PCDHGA6: variants seen among roughly 807,000 people sequenced by gnomAD.
The protein encoded by PCDHGA6 is protocadherin gamma-A6.
In PCDHGA6, 41 loss-of-function variants were observed where a neutral mutation model predicts 60.6. The ratio of observed to expected loss-of-function variants is 0.68; its 90% CI spans 0.53 to 0.88. The LOEUF is 0.88. Ranked by LOEUF, PCDHGA6 falls within the 40% of genes least tolerant of loss-of-function variation. The probability of loss-of-function intolerance (pLI) is 0.00; values close to 1 mark genes in which losing one functional copy is unlikely to be tolerated. For missense variants in PCDHGA6, 1,312 were observed against 1,203.0 expected, an observed-to-expected ratio of 1.09 and a Z score of -1.34; for synonymous variants, 594 against 524.4, an observed-to-expected ratio of 1.13 and a Z score of -1.81.
At chr5:141,471,743 C>T (rs769600930) in intron 1 of PCDHGA6, among the ~76,000 whole-genome samples, 2 of 152,142 alleles carry the variant, frequency 1.3e-5, no homozygotes, top group Non-Finnish European at 2.9e-5. Flanking sequence ...GGAGACATAA[C>T]ATATTTGAGG....
At chr5:141,405,031 C>T (rs760020802) in intron 1 of PCDHGA6, 4 of 1,613,968 alleles carry the variant, frequency 2.5e-6, no homozygotes, top group South Asian at 2.2e-5. Context: ...CCCTCTACCT[C>T]GTTGTGGCTG....
intron 1 of PCDHGA6, among the ~76,000 whole-genome samples, chr5:141,437,829 C>T (rs2097913718): frequency 6.6e-6 from 1 of 151,986 alleles, no homozygotes; most frequent in Admixed American, 6.6e-5. Flanking sequence ...CCTCTGCCTC[C>T]TGGGTTCATG....
At chr5:141,463,526 A>G (rs989086820) in intron 1 of PCDHGA6, among the ~76,000 whole-genome samples, 1 of 131,914 alleles carries the variant, frequency 7.6e-6, no homozygotes, top group Non-Finnish European at 1.5e-5. Flanking sequence ...TCGGCTTACT[A>G]GAAACTCCGG....
chr5:141,491,747 G>C lies in PCDHGA6; in HGVS notation c.2425-3060G>C. 6.3e-7 allele frequency: 1 copy of C among 1,591,872 alleles called. No homozygotes were observed. The highest frequency in any genetic ancestry group is 8.5e-7 in the Non-Finnish European group (1 of 1,170,328). ...CGGGCGACCCCTGGGGGCGGCACTG[G>C]AGAAGCCGCCCGTCCTCATAAGGGA... On this transcript the variant is annotated intron_variant, in intron 1 of 3. Transcript: ENST00000517434. This position sits in a 1 kb window ranked among gnomAD's most constrained non-coding sequence, Gnocchi z 6.9.
chr5:141,431,876 GA>G lies in PCDHGA6; in HGVS notation c.2424+55370del. 6.2e-7 allele frequency: 1 copy of G among 1,614,188 alleles called. No individual in the cohort carries two copies. Among genetic ancestry groups the G allele is most frequent in the Non-Finnish European group, 8.5e-7 (1 of 1,180,008 alleles). On this transcript the variant is annotated intron_variant, in intron 1 of 3. Transcript: ENST00000517434. The surrounding 1 kb of genome is among the most constrained non-coding windows in gnomAD (Gnocchi z 4.8). ...ATTAATTGCCCTTTTAAATGTAAATGACCAAGATTCTGAGGAAAACGGACAG... is the reference window on the plus strand; with the variant it reads ...ATTAATTGCCCTTTTAAATGTAAATGCCAAGATTCTGAGGAAAACGGACAG...
chr5:141,497,197 A>G (rs1243476120), intron 2 of PCDHGA6, among the ~76,000 whole-genome samples: 2 of 106,804 alleles, frequency 1.9e-5, no homozygotes, highest in African/African-American at 5.7e-5. Flanking sequence ...GCAGAGAACA[A>G]TGTGAGTGTA....
intron 1 of PCDHGA6, among the ~76,000 whole-genome samples, chr5:141,459,348 C>G (rs1015330513): frequency 2.6e-5 from 4 of 152,194 alleles, no homozygotes; most frequent in Admixed American, 2.0e-4. Context: ...TCTTGAAATT[C>G]ATTCATGTTC....
At chr5:141,403,672 G>A in intron 1 of PCDHGA6, 1 of 1,613,846 alleles carries the variant, frequency 6.2e-7, no homozygotes, top group Non-Finnish European at 8.5e-7. Context: ...ATAATGCCCC[G>A]GTTTTTGCTC....
intron 1 of PCDHGA6, chr5:141,384,779 G>A (rs1252058358): frequency 6.2e-6 from 10 of 1,613,592 alleles, no homozygotes; most frequent in East Asian, 2.2e-5. Context: ...GGCGAGGTGC[G>A]CACGGCTCGG....
At chr5:141,393,124 T>C in intron 1 of PCDHGA6, 2 of 1,613,430 alleles carry the variant, frequency 1.2e-6, no homozygotes. Flanking sequence ...CGGTGTCTGA[T>C]AAATATTAAC....
intron 1 of PCDHGA6, chr5:141,398,587 C>A (rs2093675414): frequency 6.2e-7 from 1 of 1,613,860 alleles, no homozygotes. Flanking sequence ...AAGATTTATA[C>A]TAGAAGTAGC....
chr5:141,423,456 C>T, intron 1 of PCDHGA6: 1 of 1,613,924 alleles, frequency 6.2e-7, no homozygotes, highest in Non-Finnish European at 8.5e-7. Context: ...ATTTTGTAGG[C>T]GTGGACGGGG....
intron 1 of PCDHGA6, among the ~76,000 whole-genome samples, chr5:141,405,996 G>A (rs2094743914): frequency 6.6e-6 from 1 of 151,746 alleles, no homozygotes; most frequent in Non-Finnish European, 1.5e-5. Flanking sequence ...GTAGCTCTCA[G>A]CCTGCATTGA....
In PCDHGA6 at chr5:141,453,101, TTTTTG is replaced by T. The variant is rs879618609; in HGVS notation, c.2425-41681_2425-41677del. ...GTTGATTAGTATATTTTCTGTTGCT[TTTTTG>T]TTTTGTTTTGTTTTGTTTTGTTTTT... On this transcript the variant is annotated intron_variant, in intron 1 of 3. Transcript: ENST00000517434. 4.4e-4 allele frequency among the ~76,000 whole-genome samples: 67 copies of T among 152,130 alleles called. 1 individual carries two copies. Among genetic ancestry groups the T allele is most frequent in the African/African-American group, 1.4e-3 (58 of 41,484 alleles).
intron 1 of PCDHGA6, among the ~76,000 whole-genome samples, chr5:141,457,415 C>T (rs185690067): frequency 3.9e-4 from 60 of 152,300 alleles, no homozygotes; most frequent in African/African-American, 1.3e-3. Flanking sequence ...CATTACCCAT[C>T]CCTTTTTCCC....
At chr5:141,481,229 A>T (rs989963485) in intron 1 of PCDHGA6, among the ~76,000 whole-genome samples, 1 of 152,212 alleles carries the variant, frequency 6.6e-6, no homozygotes, top group Non-Finnish European at 1.5e-5. Flanking sequence ...TCCCAGCCTT[A>T]AAGTATTACA....
At chr5:141,498,964 G>A (rs1342764380) in intron 2 of PCDHGA6, among the ~76,000 whole-genome samples, 2 of 127,572 alleles carry the variant, frequency 1.6e-5, no homozygotes, top group Admixed American at 8.7e-5. Context: ...AGAGAGGGAG[G>A]GAGGGAGGGA....
intron 1 of PCDHGA6, among the ~76,000 whole-genome samples, chr5:141,444,199 T>C (rs2098425653): frequency 7.4e-6 from 1 of 134,516 alleles, no homozygotes; most frequent in African/African-American, 2.9e-5. Context: ...GAGATGGAGT[T>C]TCACTCTTGT....
intron 2 of PCDHGA6, among the ~76,000 whole-genome samples, chr5:141,502,705 T>C (rs1475675789): frequency 6.6e-6 from 1 of 152,248 alleles, no homozygotes; most frequent in African/African-American, 2.4e-5. Context: ...TATCTGTTTT[T>C]ACATCAGTGA....
Sources: gnomAD v4.1 joint callset for allele counts (sites outside exome capture counted in the v4.1 genomes callset) on GRCh38, gnomAD v4.1.1 for gene constraint, Gnocchi (gnomAD v3.1) non-coding constraint, MANE v1.5 for transcripts, NCBI Gene and HGNC (gene_info 2026-07-23, HGNC 2026-07-21) for gene names.